Variants in ARPC1A observed in about 807,000 individuals in gnomAD.
The protein encoded by ARPC1A is actin-related protein 2/3 complex subunit 1A.
ARPC1A carries 8 observed loss-of-function variants against 46.9 expected under a neutral mutation model. That is an observed-to-expected ratio of 0.17 (90% confidence interval 0.10 to 0.31). The LOEUF is 0.31. ARPC1A is among the 10% of genes least tolerant of loss of function. ARPC1A has a pLI of 1.00. For missense variants in ARPC1A, 286 were observed against 483.6 expected, an observed-to-expected ratio of 0.59 and a Z score of 3.83; for synonymous variants, 152 against 169.0, an observed-to-expected ratio of 0.90 and a Z score of 0.78.
At chr7:99,362,997 A>G (rs1793770674) in intron 8 of ARPC1A, among the ~76,000 whole-genome samples, 1 of 152,054 alleles carries the variant, frequency 6.6e-6, no homozygotes, top group South Asian at 2.1e-4. Flanking sequence ...GAGCTATGGA[A>G]TTCAGTCATG....
rs1298541178 is a variant in ARPC1A, at chr7:99,366,042, C to G, written c.*113C>G. ...GGAAACACTGAAAACACATATCACG[C>G]CAATGCCGTGTGGTTTTGTTTGAAT... On this transcript the variant is annotated 3_prime_UTR_variant, in exon 10 of 10. Coordinates refer to ENST00000262942, the MANE Select transcript of ARPC1A (RefSeq NM_006409.4). The G allele has an allele frequency of 8.0e-7, 1 of 1,248,680 alleles. No individual in the cohort carries two copies. The highest frequency in any genetic ancestry group is 1.5e-5 in the African/African-American group (1 of 66,322). The allele number at this position is 1,248,680 out of a possible 1,614,324, so 77.4% of individuals were successfully genotyped here.
chr7:99,325,905 C>T lies in ARPC1A; in HGVS notation c.-129C>T, dbSNP rs1339195987. ...GGATCTGTCAGCCGCTCCCTCTGGG[C>T]TTCCGTCCTCCGCCCGCGCCCGACG... On this transcript the variant is annotated 5_prime_UTR_variant, in exon 1 of 10. Coordinates refer to ENST00000262942, the MANE Select transcript of ARPC1A (RefSeq NM_006409.4). 6.6e-6 allele frequency: 1 copy of T among 152,628 alleles called. No homozygotes were observed. Among genetic ancestry groups the T allele is most frequent in the Non-Finnish European group, 1.5e-5 (1 of 68,092 alleles). 9.5% of individuals were successfully genotyped at this position (152,628 alleles called of 1,614,324 possible). A position where few individuals can be genotyped will look rare whatever the true frequency, so the allele number is the denominator to read the frequency against.
chr7:99,365,142 A>C (rs1415771472), intron 9 of ARPC1A, among the ~76,000 whole-genome samples: 1 of 152,140 alleles, frequency 6.6e-6, no homozygotes, highest in South Asian at 2.1e-4. Context: ...GGAAGCACAG[A>C]TGGAGCTAGA....
At chr7:99,342,083 T>C (rs1230305834) in intron 3 of ARPC1A, among the ~76,000 whole-genome samples, 5 of 152,118 alleles carry the variant, frequency 3.3e-5, no homozygotes, top group Non-Finnish European at 4.4e-5. Flanking sequence ...TTTAAAAAAG[T>C]GGAATAGTAT....
chr7:99,334,058 CAG>C (rs1793199267), intron 2 of ARPC1A, among the ~76,000 whole-genome samples: 2 of 144,852 alleles, frequency 1.4e-5, no homozygotes, highest in East Asian at 2.0e-4. Context: ...TTTTTTGAGA[CAG>C]AGTCTCGCTT....
Position 99,365,969 on chromosome 7 carries a change from G to A in ARPC1A, c.*40G>A, listed in dbSNP as rs1444153494. 1 of 1,552,336 alleles carries A rather than the reference G, an allele frequency of 6.4e-7. No homozygotes were observed. The highest frequency in any genetic ancestry group is 1.9e-5 in the Admixed American group (1 of 51,730). On this transcript the variant is annotated 3_prime_UTR_variant, in exon 10 of 10. Transcript: ENST00000262942. ...CCGCCATCCAGCATGACAAACTGTG[G>A]CCGACCGCAGCTGTGCCGTGGCACG...
chr7:99,343,190 G>A (rs534475557), intron 3 of ARPC1A, among the ~76,000 whole-genome samples: 104 of 152,214 alleles, frequency 6.8e-4, no homozygotes, highest in African/African-American at 2.4e-3. Context: ...ATCAAGGCCA[G>A]GCACTGTGGC....
Position 99,364,144 on chromosome 7 carries a change from G to A in ARPC1A, c.1074+511G>A, listed in dbSNP as rs186835367. Among the ~76,000 whole-genome samples, 22 of 152,056 alleles carry A rather than the reference G, an allele frequency of 1.4e-4. No homozygotes were observed. The East Asian group carries it at 1.7e-3, about 12-fold the overall frequency. Reference sequence around the variant, plus strand: ...TATGTTTTGTATTTTTAGTACAGACGGGGTTTCACCATGTTGGCCAAGCTG... The same window carrying A: ...TATGTTTTGTATTTTTAGTACAGACAGGGTTTCACCATGTTGGCCAAGCTG... On this transcript the variant is annotated intron_variant, in intron 9 of 9. Transcript: ENST00000262942.
intron 1 of ARPC1A, among the ~76,000 whole-genome samples, chr7:99,326,338 A>G (rs1318463113): frequency 6.6e-6 from 1 of 152,158 alleles, no homozygotes; most frequent in Non-Finnish European, 1.5e-5. Flanking sequence ...ATCTCCCGTA[A>G]TCGAGCGACC....
chr7:99,342,579 A>C (rs1047602874), intron 3 of ARPC1A, among the ~76,000 whole-genome samples: 1 of 152,114 alleles, frequency 6.6e-6, no homozygotes, highest in African/African-American at 2.4e-5. Context: ...ACAGCAAGCA[A>C]AATTATCTTG....
chr7:99,342,066 A>G (rs1006239785), intron 3 of ARPC1A, among the ~76,000 whole-genome samples: 1 of 152,206 alleles, frequency 6.6e-6, no homozygotes, highest in African/African-American at 2.4e-5. Flanking sequence ...AAAATTTTAA[A>G]CAGATTTTTA....
chr7:99,334,035 A>G (rs200984644), intron 2 of ARPC1A, among the ~76,000 whole-genome samples: 14,209 of 138,716 alleles, frequency 0.1, 930 homozygotes, highest in East Asian at 0.32. Flanking sequence ...ACACACATAT[A>G]TATGTATTTT....
intron 8 of ARPC1A, 187 bp from the exon 9 acceptor site, chr7:99,363,356 G>A (rs959844001): frequency 8.9e-6 from 5 of 559,188 alleles, no homozygotes; most frequent in Non-Finnish European, 1.6e-5. Flanking sequence ...GAGGCAGGAG[G>A]ATCACTTGAG....
chr7:99,351,046 A>G (rs1793536593), intron 5 of ARPC1A, among the ~76,000 whole-genome samples: 1 of 151,470 alleles, frequency 6.6e-6, no homozygotes, highest in South Asian at 2.1e-4. Flanking sequence ...AGAGAGAGAG[A>G]TGTGTTTGAG....
chr7:99,363,863 A>G (rs1793781430), intron 9 of ARPC1A, among the ~76,000 whole-genome samples: 2 of 152,158 alleles, frequency 1.3e-5, no homozygotes, highest in South Asian at 4.2e-4. Flanking sequence ...AACTCTTATG[A>G]GAAGAATGTT....
intron 8 of ARPC1A, 59 bp from the exon 9 acceptor site, chr7:99,363,484 A>G (rs1332044919): frequency 4.9e-6 from 6 of 1,222,276 alleles, no homozygotes; most frequent in Admixed American, 1.8e-5. Context: ...TTAGTCAGGA[A>G]TGTTTGTGTT....
chr7:99,332,916 A>T (rs56236139), intron 1 of ARPC1A, among the ~76,000 whole-genome samples: 33,196 of 146,042 alleles, frequency 0.23, 5,926 homozygotes, highest in African/African-American at 0.5. Flanking sequence ...TTTTTTTTTG[A>T]GACAGAGTCT....
chr7:99,349,635 G>A (rs35656351), intron 5 of ARPC1A, among the ~76,000 whole-genome samples: 14,887 of 151,994 alleles, frequency 0.098, 1,147 homozygotes, highest in African/African-American at 0.22. Context: ...TCAGGAGATC[G>A]AGACCATCCT....
intron 8 of ARPC1A, 26 bp from the exon 9 acceptor site, chr7:99,363,517 A>ATC: frequency 1.9e-6 from 3 of 1,563,974 alleles, no homozygotes; most frequent in Non-Finnish European, 2.6e-6. Flanking sequence ...ATACCTTACG[A>ATC]TCTCTTTTGC....
Sources: gnomAD v4.1 joint callset for allele counts (sites outside exome capture counted in the v4.1 genomes callset) on GRCh38, gnomAD v4.1.1 for gene constraint, MANE v1.5 for transcripts, NCBI Gene and HGNC (gene_info 2026-07-23, HGNC 2026-07-21) for gene names.